The following PTPRM variants were observed in gnomAD, a reference collection of about 807,000 sequenced individuals.
PTPRM encodes receptor-type tyrosine-protein phosphatase mu.
A neutral mutation model predicts 186.7 loss-of-function variants in PTPRM; 47 were observed. The observed-to-expected ratio is 0.25, with a 90% confidence interval of 0.20 to 0.32. PTPRM has a LOEUF of 0.32. PTPRM is among the 10% of genes least tolerant of loss of function. The pLI, the probability that PTPRM is intolerant of heterozygous loss-of-function variation, is 1.00. For missense variants in PTPRM, 1,494 were observed against 1,865.0 expected, an observed-to-expected ratio of 0.80 and a Z score of 3.66; for synonymous variants, 668 against 674.9, an observed-to-expected ratio of 0.99 and a Z score of 0.16.
chr18:7,976,987 A>G (rs1265783323), intron 7 of PTPRM, among the ~76,000 whole-genome samples: 1 of 151,688 alleles, frequency 6.6e-6, no homozygotes, highest in Non-Finnish European at 1.5e-5. Flanking sequence ...ATATTAGAAG[A>G]TTTAACTATG....
chr18:8,204,038 A>G (rs2093893806), intron 14 of PTPRM, among the ~76,000 whole-genome samples: 2 of 152,100 alleles, frequency 1.3e-5, no homozygotes, highest in Admixed American at 1.3e-4. Context: ...CAACCACAAG[A>G]TGGTTTTCTC....
At chr18:8,131,045 A>C (rs1333171099) in intron 13 of PTPRM, among the ~76,000 whole-genome samples, 2 of 152,168 alleles carry the variant, frequency 1.3e-5, no homozygotes, top group Admixed American at 6.6e-5. Flanking sequence ...TTACTCTAAT[A>C]TAGGATTGTT....
chr18:7,955,680 A>G (rs935986386), intron 7 of PTPRM, among the ~76,000 whole-genome samples: 3 of 152,090 alleles, frequency 2.0e-5, no homozygotes, highest in Admixed American at 1.3e-4. Context: ...CATTGTTCAT[A>G]TAGGAATTGT....
chr18:8,333,988 T>C (rs371729960), intron 22 of PTPRM, among the ~76,000 whole-genome samples: 2 of 152,224 alleles, frequency 1.3e-5, no homozygotes, highest in Non-Finnish European at 1.5e-5. Context: ...TGGGCTGACC[T>C]GAATTGGAAT....
intron 1 of PTPRM, among the ~76,000 whole-genome samples, chr18:7,642,300 C>T (rs2038461258): frequency 6.6e-6 from 1 of 152,184 alleles, no homozygotes; most frequent in Non-Finnish European, 1.5e-5. Context: ...TAAACTCCTT[C>T]CAGAGAACTA....
At chr18:8,088,415 A>G (rs573900870) in intron 10 of PTPRM, among the ~76,000 whole-genome samples, 1 of 152,204 alleles carries the variant, frequency 6.6e-6, no homozygotes, top group Non-Finnish European at 1.5e-5. Context: ...AAGTGTACCA[A>G]TTGTAAGTGT....
intron 5 of PTPRM, among the ~76,000 whole-genome samples, chr18:7,932,216 T>C (rs2051532019): frequency 1.3e-5 from 2 of 152,182 alleles, no homozygotes. Context: ...GGCTAGGGGT[T>C]GAGGTGTGCA....
intron 22 of PTPRM, among the ~76,000 whole-genome samples, chr18:8,325,099 C>T (rs926656093): frequency 9.2e-5 from 14 of 152,188 alleles, no homozygotes; most frequent in African/African-American, 3.1e-4. Context: ...GGACAAGTTA[C>T]TTAACATCTC....
At chr18:8,371,875 A>T (rs887230139) in intron 24 of PTPRM, 1 of 152,290 alleles carries the variant, frequency 6.6e-6, no homozygotes, top group African/African-American at 2.4e-5. Flanking sequence ...AGATCCACAG[A>T]CTTTTCTATC....
chr18:7,727,463 A>C (rs1598444356), intron 1 of PTPRM, among the ~76,000 whole-genome samples: 1 of 152,294 alleles, frequency 6.6e-6, no homozygotes, highest in African/African-American at 2.4e-5. Flanking sequence ...TACTCAGATA[A>C]ATTTTTGCTT....
At chr18:8,117,837 T>C (rs2092014245) in intron 13 of PTPRM, among the ~76,000 whole-genome samples, 1 of 152,208 alleles carries the variant, frequency 6.6e-6, no homozygotes, top group Admixed American at 6.5e-5. Context: ...AATTGTATAG[T>C]GGAGTGAATA....
chr18:8,253,920 T>C (rs961597763), intron 19 of PTPRM, among the ~76,000 whole-genome samples: 5 of 152,328 alleles, frequency 3.3e-5, no homozygotes, highest in South Asian at 2.1e-4. Flanking sequence ...CTGTTTTTTT[T>C]CCCTTTTTTT....
At chr18:8,350,259 A>G (rs1424637737) in intron 23 of PTPRM, among the ~76,000 whole-genome samples, 2 of 152,210 alleles carry the variant, frequency 1.3e-5, no homozygotes, top group African/African-American at 4.8e-5. Context: ...TGATGTAAAG[A>G]GCCAAATGCC....
At chr18:7,578,529 G>A (rs4798570) in intron 1 of PTPRM, among the ~76,000 whole-genome samples, 4,492 of 151,744 alleles carry the variant, frequency 0.03, 404 homozygotes, top group East Asian at 0.28. Context: ...TAGAGATGGG[G>A]TTTCACTGTG....
At chr18:7,768,460 T>A (rs1443315563) in intron 1 of PTPRM, among the ~76,000 whole-genome samples, 1 of 152,140 alleles carries the variant, frequency 6.6e-6, no homozygotes, top group East Asian at 1.9e-4. Flanking sequence ...GCCACTGCAC[T>A]CAAGCCTGAG....
chr18:8,099,234 A>G (rs2091173702), intron 11 of PTPRM, among the ~76,000 whole-genome samples: 1 of 149,202 alleles, frequency 6.7e-6, no homozygotes, highest in South Asian at 2.1e-4. Flanking sequence ...TGGAGAGCCC[A>G]CCCTGGCCCC....
intron 19 of PTPRM, among the ~76,000 whole-genome samples, chr18:8,260,801 C>T (rs1350632905): frequency 6.6e-6 from 1 of 152,170 alleles, no homozygotes; most frequent in Non-Finnish European, 1.5e-5. Context: ...GAGGACAGCC[C>T]CTGGAATTTT....
intron 7 of PTPRM, among the ~76,000 whole-genome samples, chr18:8,008,883 C>T (rs2084350696): frequency 6.6e-6 from 1 of 152,150 alleles, no homozygotes; most frequent in Non-Finnish European, 1.5e-5. Context: ...ATTTGGAGTT[C>T]AGAGTCTAGA....
Position 7,916,015 on chromosome 18 carries a change from A to G in PTPRM, c.547+9432A>G, listed in dbSNP as rs559160193. 2.6e-5 allele frequency among the ~76,000 whole-genome samples: 4 copies of G among 152,184 alleles called. No individual in the cohort carries two copies. In the East Asian group the frequency reaches 5.8e-4, roughly 22 times the overall value. ...ATAACTTAGAAACAGAAAAACAAAA[A>G]CTACACGTTTTCACTTACAAGTGGG... On this transcript the variant is annotated intron_variant, in intron 4 of 32. Coordinates refer to ENST00000580170, the MANE Select transcript of PTPRM (RefSeq NM_001105244.2).
Sources: allele counts gnomAD v4.1 joint callset (sites outside exome capture counted in the v4.1 genomes callset), GRCh38; gene constraint gnomAD v4.1.1; transcripts MANE v1.5; gene names NCBI Gene and HGNC (gene_info 2026-07-23, HGNC 2026-07-21).